Variants in QTMAN observed in about 807,000 individuals in gnomAD.
QTMAN encodes tRNA-queuosine alpha-mannosyltransferase.
the QTMAN span, among the ~76,000 whole-genome samples, chr2:144,039,932 T>C: frequency 3.9e-5 from 6 of 152,232 alleles, no homozygotes; most frequent in Non-Finnish European, 8.8e-5. Flanking sequence ...GCTATTTGTA[T>C]ACTTGTGAAA....
At chr2:144,248,334 T>C in the QTMAN span, among the ~76,000 whole-genome samples, 1 of 152,136 alleles carries the variant, frequency 6.6e-6, no homozygotes, top group Non-Finnish European at 1.5e-5. Context: ...GAAATATACA[T>C]GAAAATATGA....
chr2:144,261,867 T>C, the QTMAN span, among the ~76,000 whole-genome samples: 1 of 152,162 alleles, frequency 6.6e-6, no homozygotes, highest in African/African-American at 2.4e-5. Flanking sequence ...TTATTTATTT[T>C]TTGCCCTATG....
the QTMAN span, chr2:143,940,828 G>C: frequency 5.3e-5 from 8 of 152,222 alleles, no homozygotes; most frequent in Non-Finnish European, 1.2e-4. Flanking sequence ...GATTCGAAAG[G>C]CAATAGAGAA....
the QTMAN span, among the ~76,000 whole-genome samples, chr2:143,968,351 T>C: frequency 6.6e-6 from 1 of 151,966 alleles, no homozygotes; most frequent in Non-Finnish European, 1.5e-5. Flanking sequence ...GGAAACTGAG[T>C]GCTGTTCACT....
the QTMAN span, among the ~76,000 whole-genome samples, chr2:144,030,430 A>G: frequency 1.3e-5 from 2 of 152,180 alleles, no homozygotes; most frequent in East Asian, 3.9e-4. Flanking sequence ...TTGACTACTT[A>G]TCAACCATGA....
At chr2:143,983,469 T>G in the QTMAN span, among the ~76,000 whole-genome samples, 10 of 94,994 alleles carry the variant, frequency 1.1e-4, no homozygotes, top group Admixed American at 5.5e-4. Flanking sequence ...ATTTTTGAGG[T>G]TTTTTTTTTT....
chr2:144,109,127 C>T, the QTMAN span, among the ~76,000 whole-genome samples: 7 of 152,298 alleles, frequency 4.6e-5, no homozygotes, highest in Admixed American at 4.6e-4. Context: ...AGGCATCATG[C>T]TACCTGACTT....
chr2:144,106,823 A>G, the QTMAN span, among the ~76,000 whole-genome samples: 2 of 152,190 alleles, frequency 1.3e-5, no homozygotes, highest in Non-Finnish European at 2.9e-5. Flanking sequence ...GCACCATATC[A>G]CACTTATTCC....
the QTMAN span, chr2:144,319,623 G>A: frequency 6.6e-6 from 1 of 151,604 alleles, no homozygotes; most frequent in African/African-American, 2.4e-5. Flanking sequence ...GTGCCATACT[G>A]GTGTCACACT....
At chr2:144,022,774 C>T in the QTMAN span, among the ~76,000 whole-genome samples, 10 of 151,796 alleles carry the variant, frequency 6.6e-5, no homozygotes, top group Admixed American at 2.0e-4. Flanking sequence ...ATGTTGGCCA[C>T]GATGGTCTTG....
At chr2:144,164,255 T>C in the QTMAN span, among the ~76,000 whole-genome samples, 1 of 151,668 alleles carries the variant, frequency 6.6e-6, no homozygotes, top group South Asian at 2.1e-4. Flanking sequence ...TTGTTTTTGG[T>C]CTTCTGTTTG....
the QTMAN span, among the ~76,000 whole-genome samples, chr2:144,253,713 T>C: frequency 6.7e-6 from 1 of 150,268 alleles, no homozygotes; most frequent in Non-Finnish European, 1.5e-5. Flanking sequence ...ATTCAAGAGG[T>C]GACAGAGCAT....
chr2:144,315,317 A>C, the QTMAN span, among the ~76,000 whole-genome samples: 4 of 152,212 alleles, frequency 2.6e-5, no homozygotes, highest in African/African-American at 9.7e-5. Context: ...CTTATAGCCT[A>C]AGTCAGATTC....
the QTMAN span, among the ~76,000 whole-genome samples, chr2:144,045,167 G>T: frequency 6.6e-6 from 1 of 152,174 alleles, no homozygotes; most frequent in South Asian, 2.1e-4. Context: ...AGGGAAAAAT[G>T]GACTTATTTT....
At chr2:144,003,852 G>C in the QTMAN span, among the ~76,000 whole-genome samples, 2 of 152,000 alleles carry the variant, frequency 1.3e-5, no homozygotes, top group Non-Finnish European at 2.9e-5. Flanking sequence ...CTATATTTTA[G>C]ACCATTCATG....
At chr2:144,090,219 C>G in the QTMAN span, among the ~76,000 whole-genome samples, 2 of 152,042 alleles carry the variant, frequency 1.3e-5, no homozygotes, top group African/African-American at 2.4e-5. Context: ...TTTCCTCAAT[C>G]CGGTAAGGGA....
the QTMAN span, among the ~76,000 whole-genome samples, chr2:144,265,690 G>A: frequency 8.0e-4 from 121 of 152,144 alleles, no homozygotes; most frequent in African/African-American, 2.7e-3. Context: ...GCGAGACTCC[G>A]TCTCAACAAA....
chr2:144,028,978 G>A, the QTMAN span, among the ~76,000 whole-genome samples: 1 of 152,174 alleles, frequency 6.6e-6, no homozygotes, highest in Admixed American at 6.5e-5. Context: ...GAGAGTGAGA[G>A]TAGCAAAATA....
chr2:144,006,309 G>C, the QTMAN span: 1 of 152,068 alleles, frequency 6.6e-6, no homozygotes, highest in African/African-American at 2.4e-5. Context: ...TGTGCTGGAA[G>C]GCAAATCCTC....
Sources: gnomAD v4.1 joint callset for allele counts (sites outside exome capture counted in the v4.1 genomes callset) on GRCh38, gnomAD v4.1.1 for gene constraint, MANE v1.5 for transcripts, NCBI Gene and HGNC (gene_info 2026-07-23, HGNC 2026-07-21) for gene names.